Variants in WAPL observed in about 807,000 individuals in gnomAD.
The protein encoded by WAPL is wings apart-like protein homolog.
WAPL carries 5 observed loss-of-function variants against 121.0 expected under a neutral mutation model. That is an observed-to-expected ratio of 0.04 (90% CI 0.02 to 0.09). The LOEUF (loss-of-function observed/expected upper bound fraction) is 0.09. Among genes scored for constraint, WAPL ranks in the 10% least tolerant of loss-of-function variants. The pLI is 1.00. For synonymous variants in WAPL, 480 were observed against 481.5 expected, an observed-to-expected ratio of 1.00 and a Z score of 0.04; for missense variants, 999 against 1,410.8, an observed-to-expected ratio of 0.71 and a Z score of 4.68.
intron 17 of WAPL, among the ~76,000 whole-genome samples, chr10:86,440,115 A>G (rs1849424743): frequency 6.6e-6 from 1 of 152,318 alleles, no homozygotes; most frequent in Admixed American, 6.5e-5. Flanking sequence ...AGATAGATAC[A>G]GGCAAACACA....
chr10:86,476,299 A>C lies in WAPL; in HGVS notation c.1645-2326T>G, dbSNP rs374744831. On this transcript the variant is annotated intron_variant, in intron 4 of 18. Coordinates refer to ENST00000298767, the MANE Select transcript of WAPL (RefSeq NM_015045.5). Reference sequence around the variant, plus strand: ...AGAATTGCTAGAACCCGGGAGTCGGAGGTTGCAGTGATCTGAGATGGTGCC... The same window carrying C: ...AGAATTGCTAGAACCCGGGAGTCGGCGGTTGCAGTGATCTGAGATGGTGCC... Among the ~76,000 whole-genome samples the C allele has an allele frequency of 1.6e-3, 243 of 152,298 alleles. 1 individual carries two copies. Among genetic ancestry groups the C allele is most frequent in the African/African-American group, 5.6e-3 (231 of 41,582 alleles).
At chr10:86,460,798 C>T (rs1841252204) in intron 10 of WAPL, among the ~76,000 whole-genome samples, 1 of 152,012 alleles carries the variant, frequency 6.6e-6, no homozygotes, top group South Asian at 2.1e-4. Context: ...ACTGCAACCT[C>T]CACCTCCCAC....
intron 12 of WAPL, among the ~76,000 whole-genome samples, chr10:86,455,080 C>T (rs1286722591): frequency 5.4e-5 from 8 of 149,132 alleles, no homozygotes; most frequent in Middle Eastern, 3.8e-3. Flanking sequence ...GGGCAGCCCC[C>T]GCCCGGCAGC....
At chr10:86,518,204 C>T in intron 1 of WAPL, 113 bp from the exon 2 acceptor site, 1 of 1,040,004 alleles carries the variant, frequency 9.6e-7, no homozygotes, top group Non-Finnish European at 1.3e-6. Flanking sequence ...ACTCACCACA[C>T]AGACTTTTAA....
intron 4 of WAPL, among the ~76,000 whole-genome samples, chr10:86,477,916 A>G (rs12261510): frequency 0.96 from 145,895 of 151,870 alleles, 70,220 homozygotes; most frequent in East Asian, 1. Context: ...CCCGTCTCGC[A>G]TGGTGGTAGG....
intron 9 of WAPL, 25 bp from the exon 10 acceptor site, chr10:86,461,312 G>A: frequency 6.4e-7 from 1 of 1,553,512 alleles, no homozygotes; most frequent in Non-Finnish European, 8.8e-7. Context: ...CATCATTAAT[G>A]AATATCAACT....
At position 86,472,543 on chromosome 10, in the gene WAPL, T is replaced by C; in HGVS notation, c.1893+69A>G. On this transcript the variant is annotated intron_variant, in intron 6 of 18. Transcript: ENST00000298767. The surrounding 1 kb of genome is among the most constrained non-coding windows in gnomAD (Gnocchi z 4.2). Reference sequence around the variant, plus strand: ...TCAGTATACTGATATTTGTTGAAGATATTAAATGGCTAAATGTTACATACA... The same window carrying C: ...TCAGTATACTGATATTTGTTGAAGACATTAAATGGCTAAATGTTACATACA... 6.3e-7 allele frequency: 1 copy of C among 1,576,970 alleles called. No individual in the cohort carries two copies. The highest frequency in any genetic ancestry group is 8.6e-7 in the Non-Finnish European group (1 of 1,162,158).
At chr10:86,483,674 G>T (rs1444535750) in intron 4 of WAPL, among the ~76,000 whole-genome samples, 1 of 146,912 alleles carries the variant, frequency 6.8e-6, no homozygotes, top group Non-Finnish European at 1.5e-5. Flanking sequence ...TGCCCTTGAA[G>T]AACTTCCAGT....
intron 8 of WAPL, 73 bp from the exon 9 acceptor site, chr10:86,467,579 T>C (rs932429581): frequency 9.1e-7 from 1 of 1,100,880 alleles, no homozygotes; most frequent in African/African-American, 1.6e-5. Context: ...GAAATAAGAC[T>C]ATTAATGACT....
intron 7 of WAPL, 108 bp from the exon 8 acceptor site, chr10:86,471,211 G>T: frequency 1.3e-6 from 1 of 765,282 alleles, no homozygotes; most frequent in Non-Finnish European, 2.2e-6. Context: ...AAGGGTCAAA[G>T]CATTGCCCAT....
intron 2 of WAPL, among the ~76,000 whole-genome samples, chr10:86,507,773 C>T (rs970485069): frequency 2.6e-5 from 4 of 151,618 alleles, no homozygotes; most frequent in Admixed American, 2.0e-4. Flanking sequence ...TGTGCCAGTA[C>T]TCCCATTCTT....
intron 12 of WAPL, among the ~76,000 whole-genome samples, chr10:86,456,545 A>T (rs1841151107): frequency 6.6e-6 from 1 of 152,148 alleles, no homozygotes; most frequent in Non-Finnish European, 1.5e-5. Context: ...AAGTAAGCTC[A>T]CTCTGTCAGT....
chr10:86,516,303 G>A (rs1009376887), intron 2 of WAPL, among the ~76,000 whole-genome samples: 2 of 152,150 alleles, frequency 1.3e-5, no homozygotes, highest in African/African-American at 2.4e-5. Context: ...ATAACAGCTG[G>A]CTCATCGTCT....
intron 4 of WAPL, among the ~76,000 whole-genome samples, chr10:86,494,844 G>C (rs1281010127): frequency 6.6e-6 from 1 of 152,074 alleles, no homozygotes; most frequent in East Asian, 1.9e-4. Flanking sequence ...TTGAGTTTTG[G>C]GGTAGTACTG....
At chr10:86,441,768 G>C (rs73348220) in intron 17 of WAPL, among the ~76,000 whole-genome samples, 1 of 152,024 alleles carries the variant, frequency 6.6e-6, no homozygotes, top group African/African-American at 2.4e-5. Context: ...TTGAGAGGTC[G>C]AGGCAGGAGG....
intron 15 of WAPL, among the ~76,000 whole-genome samples, chr10:86,448,045 C>G (rs1849669483): frequency 6.6e-6 from 1 of 151,478 alleles, no homozygotes; most frequent in Non-Finnish European, 1.5e-5. Context: ...AAGACTCTGT[C>G]TCCAAAAAAA....
chr10:86,438,770 T>C (rs1175205013), intron 17 of WAPL, among the ~76,000 whole-genome samples: 1 of 152,198 alleles, frequency 6.6e-6, no homozygotes, highest in African/African-American at 2.4e-5. Context: ...AGGAATTAAC[T>C]AGAAGCATCT....
intron 13 of WAPL, 55 bp downstream of exon 13, chr10:86,453,601 G>C: frequency 6.6e-7 from 1 of 1,519,412 alleles, no homozygotes; most frequent in Non-Finnish European, 8.8e-7. Context: ...AAAATAACTT[G>C]TTTTCACATG....
In WAPL at chr10:86,437,191, A is replaced by C. The variant is rs1483448337; in HGVS notation, c.*352T>G. On this transcript the variant is annotated 3_prime_UTR_variant, in exon 19 of 19. Coordinates refer to ENST00000298767, the MANE Select transcript of WAPL (RefSeq NM_015045.5). ...ACAACAGTGGCTCAACATACACAGC[A>C]GTTGCACTAACAGCAGCACAAATTT... is the stretch of plus-strand genomic sequence containing the variant. 1 of 206,064 alleles carries C rather than the reference A, an allele frequency of 4.9e-6. No individual in the cohort carries two copies. Among genetic ancestry groups the C allele is most frequent in the Non-Finnish European group, 9.7e-6 (1 of 103,334 alleles). The allele number at this position is 206,064 out of a possible 1,614,324, so 12.8% of individuals were successfully genotyped here. A position where few individuals can be genotyped will look rare whatever the true frequency, so the allele number is the denominator to read the frequency against.
Sources: allele counts gnomAD v4.1 joint callset (sites outside exome capture counted in the v4.1 genomes callset), GRCh38; gene constraint gnomAD v4.1.1; non-coding constraint Gnocchi (gnomAD v3.1); transcripts MANE v1.5; gene names NCBI Gene and HGNC (gene_info 2026-07-23, HGNC 2026-07-21).